Variants in GRM7 observed in about 807,000 individuals in gnomAD.
GRM7 encodes glutamate metabotropic receptor 7, also known as metabotropic glutamate receptor 7.
Under a neutral mutation model 84.5 loss-of-function variants are expected in GRM7, and 35 were observed. The observed-to-expected ratio is 0.41, with a 90% CI of 0.32 to 0.55. The LOEUF is 0.55. Among genes scored for constraint, GRM7 ranks in the 20% least tolerant of loss-of-function variants. The pLI is 0.19. For synonymous variants in GRM7, 487 were observed against 455.1 expected (o/e 1.07, Z -0.89); for missense variants, 1,003 against 1,194.6 (o/e 0.84, Z 2.36).
At chr3:7,009,661 C>G (rs1441643556) in intron 1 of GRM7, among the ~76,000 whole-genome samples, 5 of 152,100 alleles carry the variant, frequency 3.3e-5, no homozygotes, top group Non-Finnish European at 7.4e-5. Context: ...GTTAAGGGCC[C>G]AGGTCAATAT....
In GRM7 at chr3:7,354,022, C is replaced by A. The variant is rs115568275; in HGVS notation, c.1033+47370C>A. Reference sequence around the variant, plus strand: ...AAGTGAACAAAAGTCTAATTGAAATCATAAAAACAGAGAATTTTTAGTGTT... The same window carrying A: ...AAGTGAACAAAAGTCTAATTGAAATAATAAAAACAGAGAATTTTTAGTGTT... On this transcript the variant is annotated intron_variant, in intron 4 of 9. Coordinates refer to ENST00000357716, the MANE Select transcript of GRM7 (RefSeq NM_000844.4). 7.9e-3 allele frequency among the ~76,000 whole-genome samples: 1,206 copies of A among 152,242 alleles called. 5 individuals are homozygous for A. Among genetic ancestry groups the A allele is most frequent in the Non-Finnish European group, 0.013 (851 of 67,984 alleles).
chr3:7,728,094 A>G (rs1430198026), intron 9 of GRM7, among the ~76,000 whole-genome samples: 1 of 152,158 alleles, frequency 6.6e-6, no homozygotes, highest in Non-Finnish European at 1.5e-5. Context: ...ACTGAACTTA[A>G]CAGGACTTGA....
In GRM7 at chr3:6,861,485, C is replaced by T; in HGVS notation, c.97C>T (p.Arg33Cys). Residue 33 changes from arginine (R) to cysteine (C), a missense_variant, in exon 1 of 10, where the codon CGC becomes TGC. Arg to Cys is a radical substitution (Grantham distance 180, BLOSUM62 -3). Transcript: ENST00000357716. This position sits in a 1 kb window ranked among gnomAD's most constrained non-coding sequence, Gnocchi z 6.4. Reference sequence around the variant, plus strand: ...CCTGTGCGCGCTGGCGGCGGCGGCGCGCGGCCAGGAGATGTACGCCCCGCA... The same window carrying T: ...CCTGTGCGCGCTGGCGGCGGCGGCGTGCGGCCAGGAGATGTACGCCCCGCA... ...VLLCALAAAA[R>C]GQEMYAPHSI... is the part of the protein sequence containing the mutation. The T allele has an allele frequency of 6.3e-7, 1 of 1,580,190 alleles. No individual in the cohort carries two copies. Among genetic ancestry groups the T allele is most frequent in the Middle Eastern group, 1.7e-4 (1 of 5,906 alleles).
intron 1 of GRM7, among the ~76,000 whole-genome samples, chr3:7,011,652 T>C (rs1017806457): frequency 2.6e-5 from 4 of 152,202 alleles, no homozygotes; most frequent in Non-Finnish European, 5.9e-5. Flanking sequence ...TGAAATGGAA[T>C]CCATTTAATA....
chr3:7,355,459 G>A (rs1693354234), intron 4 of GRM7, among the ~76,000 whole-genome samples: 1 of 152,138 alleles, frequency 6.6e-6, no homozygotes, highest in Non-Finnish European at 1.5e-5. Context: ...GCCAGATAGA[G>A]GTGCTGCTTG....
intron 2 of GRM7, among the ~76,000 whole-genome samples, chr3:7,150,501 A>G (rs530994614): frequency 6.6e-6 from 1 of 152,324 alleles, no homozygotes; most frequent in South Asian, 2.1e-4. Context: ...GACAACCTCA[A>G]TACTTATTCT....
At chr3:7,528,115 C>T (rs901357267) in intron 7 of GRM7, among the ~76,000 whole-genome samples, 2 of 152,006 alleles carry the variant, frequency 1.3e-5, no homozygotes, top group African/African-American at 4.8e-5. Flanking sequence ...CTTCTTTGTA[C>T]ATCTGGTGGG....
chr3:7,141,589 C>A (rs1462299879), intron 1 of GRM7, among the ~76,000 whole-genome samples: 1 of 151,544 alleles, frequency 6.6e-6, no homozygotes, highest in East Asian at 1.9e-4. Context: ...TATCCTAAGG[C>A]TAATAAGGAA....
intron 1 of GRM7, among the ~76,000 whole-genome samples, chr3:6,982,414 A>G (rs1383371677): frequency 6.6e-6 from 1 of 152,206 alleles, no homozygotes; most frequent in African/African-American, 2.4e-5. Context: ...ATCAGTCATA[A>G]TACATGTTAC....
At chr3:7,300,042 A>G (rs1699944286) in intron 3 of GRM7, among the ~76,000 whole-genome samples, 2 of 151,904 alleles carry the variant, frequency 1.3e-5, no homozygotes, top group African/African-American at 4.8e-5. Context: ...AATTTCTAAG[A>G]CAAAAATATG....
At chr3:6,905,543 T>A (rs377625984) in intron 1 of GRM7, among the ~76,000 whole-genome samples, 35 of 148,654 alleles carry the variant, frequency 2.4e-4, no homozygotes, top group African/African-American at 8.7e-4. Context: ...CATTTCAATC[T>A]ATATTCTTTG....
At chr3:7,498,987 A>C (rs750811675) in intron 7 of GRM7, among the ~76,000 whole-genome samples, 64 of 152,134 alleles carry the variant, frequency 4.2e-4, no homozygotes, top group Non-Finnish European at 8.4e-4. Flanking sequence ...AACACTAAAA[A>C]TTGCTGATTT....
At chr3:7,155,870 G>A (rs563748988) in intron 2 of GRM7, among the ~76,000 whole-genome samples, 5 of 152,134 alleles carry the variant, frequency 3.3e-5, no homozygotes, top group South Asian at 4.1e-4. Context: ...TTGACCTTGC[G>A]TAGCTCCAAG....
chr3:7,016,708 C>T (rs1337252373), intron 1 of GRM7, among the ~76,000 whole-genome samples: 1 of 152,092 alleles, frequency 6.6e-6, no homozygotes, highest in Non-Finnish European at 1.5e-5. Flanking sequence ...ATAAAACCAC[C>T]TTTATTAAAT....
At chr3:7,223,742 A>G (rs1696887516) in intron 2 of GRM7, among the ~76,000 whole-genome samples, 1 of 152,320 alleles carries the variant, frequency 6.6e-6, no homozygotes, top group African/African-American at 2.4e-5. Context: ...AAAATCTCAA[A>G]TCTTAATCTG....
intron 1 of GRM7, among the ~76,000 whole-genome samples, chr3:7,043,738 C>A (rs1039924993): frequency 4.6e-5 from 7 of 152,186 alleles, no homozygotes; most frequent in African/African-American, 1.4e-4. Flanking sequence ...ATCCCTATGC[C>A]TTTGTGCATC....
At position 7,276,796 on chromosome 3, in the gene GRM7, T is replaced by TCCCTCCCTCCC. The variant is rs1237423928; in HGVS notation, c.737-21888_737-21887insCCCTCCCTCCC. Among the ~76,000 whole-genome samples the TCCCTCCCTCCC allele has an allele frequency of 3.3e-3, 10 of 2,998 alleles. 1 individual carries two copies. The highest frequency in any genetic ancestry group is 6.0e-3 in the Non-Finnish European group (8 of 1,324). 2.0% of individuals were successfully genotyped at this position (2,998 alleles called of 152,430 possible). On this transcript the variant is annotated intron_variant, in intron 2 of 9. Coordinates refer to ENST00000357716, the MANE Select transcript of GRM7 (RefSeq NM_000844.4). ...CTTCCTTCCTTCCTTCCTTCCTTCCTTCCTTCCTTTTTGGTGGTGGCATGT... is the reference window on the plus strand; with the variant it reads ...CTTCCTTCCTTCCTTCCTTCCTTCCTCCCTCCCTCCCTCCTTCCTTTTTGGTGGTGGCATGT...
rs970149490 is a variant in GRM7, at chr3:6,959,036, T to C, written c.519+97129T>C. ...CCCTGTAGGCGTCATTTGATTAAAG[T>C]GGAGGAAATTTTTGATGGTGAAAAT... On this transcript the variant is annotated intron_variant, in intron 1 of 9. Coordinates refer to ENST00000357716, the MANE Select transcript of GRM7 (RefSeq NM_000844.4). Among the ~76,000 whole-genome samples the C allele has an allele frequency of 1.7e-3, 261 of 152,278 alleles. 2 individuals are homozygous for C. The highest frequency in any genetic ancestry group is 5.6e-3 in the African/African-American group (234 of 41,560).
At chr3:7,714,804 A>C (rs1054239685) in intron 9 of GRM7, among the ~76,000 whole-genome samples, 1 of 152,206 alleles carries the variant, frequency 6.6e-6, no homozygotes, top group Non-Finnish European at 1.5e-5. Flanking sequence ...ACCAAAGGAC[A>C]CCATCAAAAA....
Sources: allele counts gnomAD v4.1 joint callset (sites outside exome capture counted in the v4.1 genomes callset), GRCh38; gene constraint gnomAD v4.1.1; non-coding constraint Gnocchi (gnomAD v3.1); transcripts MANE v1.5; gene names NCBI Gene and HGNC (gene_info 2026-07-23, HGNC 2026-07-21).